ZMIZ1: variants seen among roughly 807,000 people sequenced by gnomAD.
ZMIZ1 encodes zinc finger MIZ-type containing 1.
A neutral mutation model predicts 113.9 loss-of-function variants in ZMIZ1; 17 were observed. The ratio of observed to expected loss-of-function variants is 0.15; its 90% CI spans 0.10 to 0.22. ZMIZ1 has a LOEUF of 0.22. Ranked by LOEUF, ZMIZ1 falls within the 10% of genes least tolerant of loss-of-function variation. The pLI, the probability that ZMIZ1 is intolerant of heterozygous loss-of-function variation, is 1.00. For synonymous variants in ZMIZ1, 607 were observed against 603.1 expected (o/e 1.01, Z -0.09); for missense variants, 1,059 against 1,477.8 (o/e 0.72, Z 4.65).
chr10:79,206,959 G>T (rs1040491727), intron 5 of ZMIZ1, among the ~76,000 whole-genome samples: 2 of 152,194 alleles, frequency 1.3e-5, no homozygotes, highest in Admixed American at 6.5e-5. Context: ...AACAGTCACG[G>T]AACCTTAAGC....
rs547344724 is a variant in ZMIZ1, at chr10:79,123,074, C to G, written c.-227+4050C>G. Among the ~76,000 whole-genome samples the G allele has an allele frequency of 2.0e-4, 30 of 152,330 alleles. 1 individual carries two copies. The South Asian group carries it at 5.4e-3, about 27-fold the overall frequency. ...GGACTAGAGCCAGGTATACATGGCTCTGAAGTCTGGGGCAGAGGTGAGAAG... is the reference window on the plus strand; with the variant it reads ...GGACTAGAGCCAGGTATACATGGCTGTGAAGTCTGGGGCAGAGGTGAGAAG... On this transcript the variant is annotated intron_variant, in intron 2 of 24. Transcript: ENST00000334512.
intron 8 of ZMIZ1, among the ~76,000 whole-genome samples, chr10:79,288,145 C>T (rs538012235): frequency 1.3e-5 from 2 of 152,322 alleles, no homozygotes; most frequent in Admixed American, 6.5e-5. Flanking sequence ...CCAGGCTGGT[C>T]GCCTCTGCAG....
At chr10:79,080,090 T>C (rs1842607241) in intron 1 of ZMIZ1, among the ~76,000 whole-genome samples, 1 of 152,160 alleles carries the variant, frequency 6.6e-6, no homozygotes, top group African/African-American at 2.4e-5. Flanking sequence ...GGCCACTCTG[T>C]AATTGTGCAT....
chr10:79,132,209 G>C (rs1470606530), intron 2 of ZMIZ1, among the ~76,000 whole-genome samples: 2 of 152,198 alleles, frequency 1.3e-5, no homozygotes, highest in Non-Finnish European at 2.9e-5. Context: ...TTCCCCTTTA[G>C]AGGCCGGCAG....
intron 4 of ZMIZ1, among the ~76,000 whole-genome samples, chr10:79,183,946 T>G (rs1463080093): frequency 1.3e-5 from 2 of 152,164 alleles, no homozygotes; most frequent in Non-Finnish European, 2.9e-5. Context: ...TCTCTTAGCC[T>G]CCAGTGCCTT....
intron 2 of ZMIZ1, among the ~76,000 whole-genome samples, chr10:79,139,210 A>C (rs1845153797): frequency 6.6e-6 from 1 of 152,308 alleles, no homozygotes; most frequent in South Asian, 2.1e-4. Flanking sequence ...GAATTCAGGC[A>C]GGGGTCACAG....
intron 16 of ZMIZ1, among the ~76,000 whole-genome samples, chr10:79,300,106 G>A (rs975050254): frequency 2.0e-5 from 3 of 152,220 alleles, no homozygotes; most frequent in South Asian, 2.1e-4. Context: ...GAGCTGCAAC[G>A]CTCAGGCAGG....
At chr10:79,094,551 A>G (rs2132238168) in intron 1 of ZMIZ1, among the ~76,000 whole-genome samples, 1 of 152,352 alleles carries the variant, frequency 6.6e-6, no homozygotes, top group African/African-American at 2.4e-5. Flanking sequence ...GATGAAGTCA[A>G]CAGTAGATGT....
intron 1 of ZMIZ1, among the ~76,000 whole-genome samples, chr10:79,112,164 C>T (rs532119761): frequency 6.6e-6 from 1 of 152,216 alleles, no homozygotes; most frequent in Non-Finnish European, 1.5e-5. Flanking sequence ...AGTGGGGAGT[C>T]AGGGCTGGTA....
At chr10:79,090,600 T>G (rs1358422206) in intron 1 of ZMIZ1, among the ~76,000 whole-genome samples, 2 of 152,182 alleles carry the variant, frequency 1.3e-5, no homozygotes, top group African/African-American at 4.8e-5. Context: ...GCAAGAACAA[T>G]GAAGCCATGT....
chr10:79,074,600 T>C (rs1842408740), intron 1 of ZMIZ1, among the ~76,000 whole-genome samples: 1 of 152,238 alleles, frequency 6.6e-6, no homozygotes, highest in Non-Finnish European at 1.5e-5. Context: ...CGGGTCCCCA[T>C]GAAGCCCAGT....
chr10:79,115,409 G>A (rs1310027199), intron 1 of ZMIZ1, among the ~76,000 whole-genome samples: 1 of 152,196 alleles, frequency 6.6e-6, no homozygotes, highest in African/African-American at 2.4e-5. Context: ...TTAGCAAAGG[G>A]TCCTGGAGGT....
intron 8 of ZMIZ1, among the ~76,000 whole-genome samples, chr10:79,286,473 A>G (rs1397932428): frequency 1.3e-5 from 2 of 152,232 alleles, no homozygotes; most frequent in African/African-American, 4.8e-5. Flanking sequence ...CTGCTTCTGC[A>G]GCAGGTGCGT....
chr10:79,287,267 C>A (rs1853147636), intron 8 of ZMIZ1, among the ~76,000 whole-genome samples: 1 of 152,146 alleles, frequency 6.6e-6, no homozygotes, highest in African/African-American at 2.4e-5. Context: ...TGTTTCTCTG[C>A]ACTGCCCACT....
chr10:79,307,485 G>A lies in ZMIZ1; in HGVS notation c.2749G>A (p.Gly917Arg), dbSNP rs200162208. Residue 917 changes from glycine (G) to arginine (R), a missense_variant, in exon 23 of 25, where the codon GGG (glycine) becomes AGG (arginine). Around this residue, in one of 6 missense-constraint regions of ZMIZ1, gnomAD observed 225 missense variants for 276.0 expected, o/e 0.82. Coordinates refer to ENST00000334512, the MANE Select transcript of ZMIZ1 (RefSeq NM_020338.4). ...GGTSMNDFMH[G>R]PPQLSHPPDM... is the part of the protein sequence containing the mutation. The stretch of plus-strand genomic sequence containing the variant: ...GACATCCATGAATGACTTCATGCAC[G>A]GGCCCCCCCAGCTCTCCCACCCCCC... The A allele has an allele frequency of 5.0e-6, 8 of 1,608,586 alleles. No homozygotes were observed. Among genetic ancestry groups the A allele is most frequent in the Non-Finnish European group, 6.8e-6 (8 of 1,176,778 alleles).
chr10:79,217,056 C>A lies in ZMIZ1; in HGVS notation c.280+782C>A, dbSNP rs530342911. On this transcript the variant is annotated intron_variant, in intron 7 of 24. Coordinates refer to ENST00000334512, the MANE Select transcript of ZMIZ1 (RefSeq NM_020338.4). Reference sequence around the variant, plus strand: ...TGCTAAGTGTGTGGTCTCTGAGCCTCAGCTGATCTTTCTGGGAAGGCAGGA... The same window carrying A: ...TGCTAAGTGTGTGGTCTCTGAGCCTAAGCTGATCTTTCTGGGAAGGCAGGA... Among the ~76,000 whole-genome samples the A allele has an allele frequency of 2.6e-5, 4 of 152,374 alleles. No individual in the cohort carries two copies. In the South Asian group the frequency reaches 8.3e-4, roughly 32 times the overall value.
chr10:79,204,501 G>T (rs1848230957), intron 5 of ZMIZ1, among the ~76,000 whole-genome samples: 1 of 152,172 alleles, frequency 6.6e-6, no homozygotes, highest in African/African-American at 2.4e-5. Flanking sequence ...CCATCCCTGA[G>T]CTTGAACACT....
In ZMIZ1 at chr10:79,180,595, C is replaced by T. The variant is rs1055705953; in HGVS notation, c.-50+18462C>T. ...AAGTGGGCTGCACCCCTTCCTCCTC[C>T]GAGTCCCCCAGAGGCGTGGGAGCCT... On this transcript the variant is annotated intron_variant, in intron 4 of 24. Transcript: ENST00000334512. Among the ~76,000 whole-genome samples, 42 of 152,320 alleles carry T rather than the reference C, an allele frequency of 2.8e-4. No homozygotes were observed. In the East Asian group the frequency reaches 4.3e-3, roughly 15 times the overall value.
At chr10:79,178,601 A>G (rs748231844) in intron 4 of ZMIZ1, among the ~76,000 whole-genome samples, 1 of 152,152 alleles carries the variant, frequency 6.6e-6, no homozygotes, top group Non-Finnish European at 1.5e-5. Flanking sequence ...TGGAAGACAG[A>G]TTAAGGCTAT....
Sources: allele counts gnomAD v4.1 joint callset (sites outside exome capture counted in the v4.1 genomes callset), GRCh38; gene constraint gnomAD v4.1.1; regional missense constraint gnomAD v4.1.1; transcripts MANE v1.5; gene names NCBI Gene and HGNC (gene_info 2026-07-23, HGNC 2026-07-21).